POU6F2: variants seen among roughly 807,000 people sequenced by gnomAD.
POU6F2 encodes POU class 6 homeobox 2.
A neutral mutation model predicts 71.3 loss-of-function variants in POU6F2; 31 were observed. The ratio of observed to expected loss-of-function variants is 0.43; its 90% CI spans 0.33 to 0.59. The LOEUF (loss-of-function observed/expected upper bound fraction) is 0.59. Ranked by LOEUF, POU6F2 falls within the 20% of genes least tolerant of loss-of-function variation. The probability of loss-of-function intolerance (pLI) is 0.04; values close to 1 mark genes in which losing one functional copy is unlikely to be tolerated. For missense variants in POU6F2, 783 were observed against 856.8 expected, an observed-to-expected ratio of 0.91 and a Z score of 1.07; for synonymous variants, 347 against 355.7, an observed-to-expected ratio of 0.98 and a Z score of 0.27.
At chr7:39,110,360 T>C (rs1791783178) in intron 2 of POU6F2, among the ~76,000 whole-genome samples, 1 of 151,768 alleles carries the variant, frequency 6.6e-6, no homozygotes, top group Admixed American at 6.6e-5. Flanking sequence ...AAACTGATCA[T>C]GTTCTAAGTA....
intron 2 of POU6F2, among the ~76,000 whole-genome samples, chr7:39,178,021 C>T (rs1189210600): frequency 1.3e-5 from 2 of 152,034 alleles, no homozygotes; most frequent in African/African-American, 4.8e-5. Context: ...TTTGGGAGGC[C>T]GAGGTGGGTG....
intron 6 of POU6F2, among the ~76,000 whole-genome samples, chr7:39,425,893 C>A (rs1787957196): frequency 6.6e-6 from 1 of 152,182 alleles, no homozygotes; most frequent in African/African-American, 2.4e-5. Flanking sequence ...TGTTCCTCTG[C>A]CCTGGAACGA....
Position 39,371,479 on chromosome 7 carries a change from G to A in POU6F2, c.972+31464G>A, listed in dbSNP as rs114695857. ...CAGGTGTGAGCCACCACGCCCGGCC[G>A]AGAATGGTTCTTAAAGTTCAGTCTG... On this transcript the variant is annotated intron_variant, in intron 5 of 9. Transcript: ENST00000518318. 9.3e-3 allele frequency among the ~76,000 whole-genome samples: 1,421 copies of A among 152,132 alleles called. 18 individuals are homozygous for A. Among genetic ancestry groups the A allele is most frequent in the African/African-American group, 0.032 (1,346 of 41,526 alleles).
At chr7:39,037,789 T>C (rs958743178) in intron 1 of POU6F2, among the ~76,000 whole-genome samples, 1 of 152,058 alleles carries the variant, frequency 6.6e-6, no homozygotes, top group African/African-American at 2.4e-5. Flanking sequence ...AGAGGTTCTT[T>C]GTGCCATCGG....
intron 1 of POU6F2, among the ~76,000 whole-genome samples, chr7:38,981,698 TA>T (rs1788320530): frequency 6.6e-6 from 1 of 152,190 alleles, no homozygotes; most frequent in African/African-American, 2.4e-5. Flanking sequence ...TTAATAGCAT[TA>T]GAAGTGCAGT....
intron 1 of POU6F2, among the ~76,000 whole-genome samples, chr7:39,069,663 T>C (rs1310181572): frequency 6.6e-6 from 1 of 152,166 alleles, no homozygotes; most frequent in East Asian, 1.9e-4. Context: ...ACTTATTTAG[T>C]ATGTTATATG....
At chr7:39,311,575 T>A (rs1359300667) in intron 4 of POU6F2, among the ~76,000 whole-genome samples, 1 of 152,398 alleles carries the variant, frequency 6.6e-6, no homozygotes, top group Non-Finnish European at 1.5e-5. Flanking sequence ...TAAGTATTTG[T>A]TGAATTAATT....
chr7:39,126,899 C>G (rs1792149218), intron 2 of POU6F2, among the ~76,000 whole-genome samples: 1 of 151,978 alleles, frequency 6.6e-6, no homozygotes, highest in Non-Finnish European at 1.5e-5. Flanking sequence ...AGATTAAAGA[C>G]TTTAAAAGCA....
chr7:39,436,973 C>G (rs1449767232), intron 7 of POU6F2, among the ~76,000 whole-genome samples: 1 of 152,146 alleles, frequency 6.6e-6, no homozygotes, highest in African/African-American at 2.4e-5. Context: ...GGGATGAAGC[C>G]GACTTGATCG....
chr7:39,315,044 G>A (rs758157450), intron 4 of POU6F2, among the ~76,000 whole-genome samples: 4 of 152,274 alleles, frequency 2.6e-5, no homozygotes, highest in African/African-American at 7.2e-5. Context: ...CAGCGTTTCC[G>A]TGACTTGAGA....
intron 2 of POU6F2, among the ~76,000 whole-genome samples, chr7:39,153,692 T>G (rs1329747764): frequency 6.6e-6 from 1 of 152,214 alleles, no homozygotes; most frequent in Non-Finnish European, 1.5e-5. Context: ...AAAGTCGTGG[T>G]GCTACTTATT....
chr7:39,032,223 T>C (rs1789960329), intron 1 of POU6F2, among the ~76,000 whole-genome samples: 1 of 152,202 alleles, frequency 6.6e-6, no homozygotes, highest in Admixed American at 6.6e-5. Context: ...TAACATTTTC[T>C]GGTCAGAAAA....
intron 4 of POU6F2, among the ~76,000 whole-genome samples, chr7:39,245,044 G>A (rs981294128): frequency 3.3e-5 from 5 of 152,156 alleles, no homozygotes; most frequent in African/African-American, 1.2e-4. Context: ...TAACCTTATA[G>A]GTATTTCACA....
At chr7:38,979,682 T>C (rs1466296482) in intron 1 of POU6F2, among the ~76,000 whole-genome samples, 4 of 152,050 alleles carry the variant, frequency 2.6e-5, no homozygotes, top group Non-Finnish European at 5.9e-5. Flanking sequence ...TCTGTTACAA[T>C]AGATGACTTT....
chr7:39,272,536 C>G (rs1013990312), intron 4 of POU6F2, among the ~76,000 whole-genome samples: 1 of 152,202 alleles, frequency 6.6e-6, no homozygotes, highest in African/African-American at 2.4e-5. Flanking sequence ...ACCTATTTAG[C>G]TCAACTTTGG....
At position 39,207,493 on chromosome 7, in the gene POU6F2, G is replaced by A. The variant is rs1283569251; in HGVS notation, c.471G>A (p.Ala157=). Residue 157 remains alanine, a synonymous_variant, in exon 4 of 10, where the codon GCG becomes GCA. Transcript: ENST00000518318. The part of the protein sequence containing the change: ...NQPILIPFNM[A]GQLGGQQGLV... ...CAATCCTCATTCCCTTCAACATGGCGGGACAGCTAGGAGGCCAGCAAGGAC... is the reference window on the plus strand; with the variant it reads ...CAATCCTCATTCCCTTCAACATGGCAGGACAGCTAGGAGGCCAGCAAGGAC... 3.1e-6 allele frequency: 5 copies of A among 1,613,978 alleles called. No individual in the cohort carries two copies. Among genetic ancestry groups the A allele is most frequent in the African/African-American group, 1.3e-5 (1 of 75,054 alleles).
intron 5 of POU6F2, 145 bp from the exon 6 acceptor site, chr7:39,406,455 T>A: frequency 1.2e-6 from 1 of 865,106 alleles, no homozygotes; most frequent in South Asian, 1.8e-5. Context: ...TCCGGGGGAA[T>A]GTTCGCCACG....
chr7:39,243,744 C>T (rs1345053938), intron 4 of POU6F2, among the ~76,000 whole-genome samples: 2 of 151,402 alleles, frequency 1.3e-5, no homozygotes, highest in Non-Finnish European at 2.9e-5. Context: ...GTGTGAAAAC[C>T]CAGCTCTGTT....
intron 8 of POU6F2, among the ~76,000 whole-genome samples, chr7:39,454,808 G>A (rs866300333): frequency 4.1e-5 from 6 of 147,132 alleles, no homozygotes; most frequent in Middle Eastern, 3.6e-3. Context: ...ACTCCTCCAC[G>A]TCGTTGTCAA....
Sources: allele counts gnomAD v4.1 joint callset (sites outside exome capture counted in the v4.1 genomes callset), GRCh38; gene constraint gnomAD v4.1.1; transcripts MANE v1.5; gene names NCBI Gene and HGNC (gene_info 2026-07-23, HGNC 2026-07-21).